DGKI: variants seen among roughly 807,000 people sequenced by gnomAD.
DGKI encodes the protein diacylglycerol kinase iota, also known as DAG kinase iota.
Under a neutral mutation model 147.5 loss-of-function variants are expected in DGKI, and 55 were observed. That is an observed-to-expected ratio of 0.37 (90% CI 0.30 to 0.47). DGKI has a LOEUF of 0.47. Ranked by LOEUF, DGKI falls within the 20% of genes least tolerant of loss-of-function variation. The probability of loss-of-function intolerance (pLI) is 1.00; values close to 1 mark genes in which losing one functional copy is unlikely to be tolerated. For missense variants in DGKI, 1,007 were observed against 1,323.8 expected (o/e 0.76, Z 3.71); for synonymous variants, 469 against 477.1 (o/e 0.98, Z 0.22).
chr7:137,484,367 G>A (rs1028768183), intron 23 of DGKI, among the ~76,000 whole-genome samples: 6 of 152,082 alleles, frequency 3.9e-5, no homozygotes, highest in Admixed American at 2.0e-4. Flanking sequence ...AAAGTGAAGT[G>A]CTAAACCAGG....
chr7:137,417,178 C>T (rs1012916663), intron 28 of DGKI, among the ~76,000 whole-genome samples: 2 of 152,152 alleles, frequency 1.3e-5, no homozygotes, highest in African/African-American at 4.8e-5. Context: ...CTCAAAACTC[C>T]TTCATACTAA....
chr7:137,546,120 C>G (rs1563078284), intron 20 of DGKI, among the ~76,000 whole-genome samples: 1 of 152,168 alleles, frequency 6.6e-6, no homozygotes, highest in Non-Finnish European at 1.5e-5. Context: ...GAAAACCAAG[C>G]CAGCCACGGA....
At chr7:137,512,452 G>C (rs1816609941) in intron 21 of DGKI, among the ~76,000 whole-genome samples, 2 of 152,186 alleles carry the variant, frequency 1.3e-5, no homozygotes, top group Admixed American at 1.3e-4. Context: ...GATCTTAGAA[G>C]AAAGTCTTCA....
chr7:137,642,930 G>GTGTGTGTC (rs1491194051), intron 6 of DGKI, among the ~76,000 whole-genome samples: 4 of 634 alleles, frequency 6.3e-3, no homozygotes, highest in Non-Finnish European at 0.033. Context: ...TTATGGAATA[G>GTGTGTGTC]TGTGTGTGTG....
intron 3 of DGKI, among the ~76,000 whole-genome samples, chr7:137,666,603 A>T (rs1286470395): frequency 6.6e-6 from 1 of 152,204 alleles, no homozygotes; most frequent in East Asian, 1.9e-4. Flanking sequence ...GAAGGGCCTG[A>T]TAAGTTTGAA....
At position 137,388,510 on chromosome 7, in the gene DGKI, T is replaced by G. The variant is rs931290505; in HGVS notation, c.*2710A>C. 35 of 152,136 alleles carry G rather than the reference T, an allele frequency of 2.3e-4. No individual in the cohort carries two copies. Among genetic ancestry groups the G allele is most frequent in the African/African-American group, 7.7e-4 (32 of 41,430 alleles). The allele number at this position is 152,136 out of a possible 1,614,324, so 9.4% of individuals were successfully genotyped here. A position where few individuals can be genotyped will look rare whatever the true frequency, so the allele number is the denominator to read the frequency against. ...GTACATATTTTTATGTCTGTTAAAG[T>G]TACATGGCACTTCAGACCAGGACTA... is the stretch of plus-strand genomic sequence containing the variant. On this transcript the variant is annotated 3_prime_UTR_variant, in exon 33 of 33. Coordinates refer to ENST00000614521, the MANE Select transcript of DGKI (RefSeq NM_001321708.2).
intron 6 of DGKI, among the ~76,000 whole-genome samples, chr7:137,644,053 T>C (rs548615695): frequency 6.6e-6 from 1 of 152,196 alleles, no homozygotes; most frequent in African/African-American, 2.4e-5. Flanking sequence ...AAAGTTACAG[T>C]CGATGATTCT....
intron 1 of DGKI, among the ~76,000 whole-genome samples, chr7:137,830,508 G>C (rs1273192772): frequency 6.6e-6 from 1 of 152,236 alleles, no homozygotes; most frequent in Admixed American, 6.5e-5. Context: ...GGTGACCTTG[G>C]TTGGACCACA....
intron 21 of DGKI, among the ~76,000 whole-genome samples, chr7:137,521,168 A>C (rs1358446): frequency 0.092 from 13,991 of 152,048 alleles, 1,396 homozygotes; most frequent in African/African-American, 0.24. Context: ...CAATTACCTC[A>C]TAAATTATTA....
chr7:137,397,263 A>G (rs2128894362), intron 31 of DGKI, 114 bp downstream of exon 31: 2 of 971,180 alleles, frequency 2.1e-6, no homozygotes, highest in Admixed American at 5.1e-5. Flanking sequence ...TTGAAAGTGG[A>G]CTTTGAATTA....
Position 137,597,876 on chromosome 7 carries a change from G to A in DGKI, c.1282C>T (p.Arg428Ter). Residue 428 changes from arginine (R) to a stop codon, truncating the protein, a stop_gained, in exon 12 of 33, where the codon CGA (arginine) becomes TGA (stop). Transcript: ENST00000614521. LOFTEE classifies it high-confidence loss of function. ...LELYRKVPNLRILACGGDGTV... is the reference protein window; with the variant it reads ...LELYRKVPNL ...CCATCCCCACCACAGGCCAGAATTC[G>A]CAGATTTGGTACTTTCCTATACAAT... 1.9e-6 allele frequency: 3 copies of A among 1,613,856 alleles called. No homozygotes were observed. The highest frequency in any genetic ancestry group is 2.5e-6 in the Non-Finnish European group (3 of 1,179,884).
chr7:137,844,219 T>C (rs1798643806), intron 1 of DGKI, among the ~76,000 whole-genome samples: 1 of 152,142 alleles, frequency 6.6e-6, no homozygotes, highest in African/African-American at 2.4e-5. Flanking sequence ...AACAAATAAG[T>C]AACAGTGATC....
intron 6 of DGKI, among the ~76,000 whole-genome samples, chr7:137,639,994 A>G (rs564805798): frequency 6.6e-6 from 1 of 151,298 alleles, no homozygotes; most frequent in East Asian, 1.9e-4. Context: ...TGCCCTGTTT[A>G]TTTATTATTA....
At chr7:137,456,165 G>A (rs990935774) in intron 27 of DGKI, among the ~76,000 whole-genome samples, 12 of 152,102 alleles carry the variant, frequency 7.9e-5, no homozygotes, top group Admixed American at 3.9e-4. Flanking sequence ...TTACTTTCTC[G>A]CTTGTGAAAT....
chr7:137,770,396 T>C (rs1488194854), intron 1 of DGKI, among the ~76,000 whole-genome samples: 1 of 152,036 alleles, frequency 6.6e-6, no homozygotes, highest in Admixed American at 6.5e-5. Context: ...GACGGGTTGA[T>C]AGGTGCAGCA....
chr7:137,569,780 T>G (rs1223585879), intron 19 of DGKI, among the ~76,000 whole-genome samples: 1 of 130,100 alleles, frequency 7.7e-6, no homozygotes, highest in East Asian at 2.2e-4. Flanking sequence ...AAAGAATTCT[T>G]CCCTGCATAT....
chr7:137,827,427 A>G (rs997826407), intron 1 of DGKI, among the ~76,000 whole-genome samples: 3 of 152,184 alleles, frequency 2.0e-5, no homozygotes, highest in African/African-American at 7.2e-5. Context: ...ACACTGCTGC[A>G]CAAATACGTC....
At chr7:137,583,464 C>T (rs953256678) in intron 14 of DGKI, among the ~76,000 whole-genome samples, 1 of 152,198 alleles carries the variant, frequency 6.6e-6, no homozygotes, top group African/African-American at 2.4e-5. Context: ...GTCTTAACAT[C>T]TACTGATAGC....
intron 21 of DGKI, among the ~76,000 whole-genome samples, chr7:137,517,429 T>TA (rs1185083813): frequency 2.7e-5 from 4 of 148,756 alleles, no homozygotes; most frequent in South Asian, 2.1e-4. Context: ...GAAAGAAAGA[T>TA]AAAAAAAGAA....
Sources: gnomAD v4.1 joint callset for allele counts (sites outside exome capture counted in the v4.1 genomes callset) on GRCh38, gnomAD v4.1.1 for gene constraint, MANE v1.5 for transcripts, NCBI Gene and HGNC (gene_info 2026-07-23, HGNC 2026-07-21) for gene names.